Variants in PRMT8 observed in about 807,000 individuals in gnomAD.
PRMT8 encodes the protein protein arginine methyltransferase 8.
In PRMT8, 7 loss-of-function variants were observed where a neutral mutation model predicts 47.1. The ratio of observed to expected loss-of-function variants is 0.15; its 90% confidence interval spans 0.08 to 0.28. PRMT8 has a LOEUF of 0.28. Ranked by LOEUF, PRMT8 falls within the 10% of genes least tolerant of loss-of-function variation. PRMT8 has a pLI of 1.00. For synonymous variants in PRMT8, 188 were observed against 186.5 expected, an observed-to-expected ratio of 1.01 and a Z score of -0.07; for missense variants, 237 against 505.4, an observed-to-expected ratio of 0.47 and a Z score of 5.09.
chr12:3,457,842 CTTTTTTT>C (rs762181050), intron 1 of PRMT8, among the ~76,000 whole-genome samples: 1 of 81,100 alleles, frequency 1.2e-5, no homozygotes, highest in African/African-American at 5.5e-5. Flanking sequence ...TTCCAGTTTG[CTTTTTTT>C]TTTTTTTTTT....
At chr12:3,411,259 T>A (rs1363109882) in intron 1 of PRMT8, among the ~76,000 whole-genome samples, 1 of 152,230 alleles carries the variant, frequency 6.6e-6, no homozygotes, top group East Asian at 1.9e-4. Context: ...CTCTTCTTGC[T>A]TATAGAGTCT....
At chr12:3,418,746 A>AGACC (rs1864508806) in intron 1 of PRMT8, among the ~76,000 whole-genome samples, 1 of 149,052 alleles carries the variant, frequency 6.7e-6, no homozygotes, top group African/African-American at 2.4e-5. Flanking sequence ...TGGCTGGAGC[A>AGACC]GACCCAGGAA....
Position 3,460,439 on chromosome 12 carries a change from T to A in PRMT8, c.48+78997T>A, listed in dbSNP as rs74057439. Among the ~76,000 whole-genome samples the A allele has an allele frequency of 5.7e-3, 868 of 152,358 alleles. 7 individuals carry two copies. The highest frequency in any genetic ancestry group is 0.02 in the African/African-American group (812 of 41,570). ...CAGCTGGGCAGACTGCAGTGGTTAC[T>A]TGTAGACTTGTAAACAACTTCTGGG... On this transcript the variant is annotated intron_variant, in intron 1 of 9. Coordinates refer to the PRMT8 transcript ENST00000452611.
At chr12:3,510,586 A>C (rs1865696229) in intron 1 of PRMT8, among the ~76,000 whole-genome samples, 1 of 152,160 alleles carries the variant, frequency 6.6e-6, no homozygotes, top group Non-Finnish European at 1.5e-5. Context: ...AGATCAAAAT[A>C]AGTTGCTCCC....
rs1555097876 is a variant in PRMT8 at position 3,580,337 on chromosome 12, C to CGTGCGTGT, written c.829-2718_829-2717insCGTGTGTG. On this transcript the variant is annotated intron_variant, in intron 7 of 9. Coordinates refer to ENST00000382622, the MANE Select transcript of PRMT8 (RefSeq NM_019854.5). This position sits in a 1 kb window ranked among gnomAD's most constrained non-coding sequence, Gnocchi z 4.6. Reference sequence around the variant, plus strand: ...TCCTGCCAGATGGGGGGTGCGTGTGCGTGTGTGTGTGTGTGTGTGTGTGTG... The same window carrying CGTGCGTGT: ...TCCTGCCAGATGGGGGGTGCGTGTGCGTGCGTGTGTGTGTGTGTGTGTGTGTGTGTGTG... 6.9e-6 allele frequency among the ~76,000 whole-genome samples: 1 copy of CGTGCGTGT among 145,538 alleles called. No individual in the cohort carries two copies. Among genetic ancestry groups the CGTGCGTGT allele is most frequent in the Non-Finnish European group, 1.5e-5 (1 of 65,892 alleles).
At chr12:3,408,121 T>C (rs1864390614) in intron 1 of PRMT8, among the ~76,000 whole-genome samples, 1 of 151,996 alleles carries the variant, frequency 6.6e-6, no homozygotes, top group African/African-American at 2.4e-5. Flanking sequence ...TTAATATTTC[T>C]ACTTCCTTTT....
intron 1 of PRMT8, among the ~76,000 whole-genome samples, chr12:3,449,538 T>C (rs1246903289): frequency 6.6e-6 from 1 of 152,242 alleles, no homozygotes; most frequent in Non-Finnish European, 1.5e-5. Flanking sequence ...ATGTCTTCTT[T>C]TGAGAAATGT....
chr12:3,556,105 G>T (rs1866524162), intron 4 of PRMT8, among the ~76,000 whole-genome samples: 1 of 152,138 alleles, frequency 6.6e-6, no homozygotes, highest in African/African-American at 2.4e-5. Context: ...GCATGTGTTA[G>T]GTTTGAGATG....
At chr12:3,553,956 C>A (rs1030741292) in intron 4 of PRMT8, among the ~76,000 whole-genome samples, 7 of 152,196 alleles carry the variant, frequency 4.6e-5, no homozygotes, top group African/African-American at 1.7e-4. Context: ...GTAGCTAAAT[C>A]CCGAGTTGCC....
At chr12:3,578,161 G>A (rs1394822280) in intron 7 of PRMT8, among the ~76,000 whole-genome samples, 11 of 152,088 alleles carry the variant, frequency 7.2e-5, no homozygotes, top group Admixed American at 7.2e-4. Flanking sequence ...CACCCAGACT[G>A]GAGTGCAGTG....
At chr12:3,545,959 C>T (rs1045188861) in intron 2 of PRMT8, among the ~76,000 whole-genome samples, 4 of 152,214 alleles carry the variant, frequency 2.6e-5, no homozygotes, top group African/African-American at 9.6e-5. Context: ...AGATCCTCTG[C>T]TGGGTCACAA....
intron 1 of PRMT8, among the ~76,000 whole-genome samples, chr12:3,482,834 C>T (rs1399993576): frequency 6.6e-6 from 1 of 152,176 alleles, no homozygotes; most frequent in East Asian, 1.9e-4. Flanking sequence ...CAATTTACAG[C>T]AGCCCATAAT....
chr12:3,593,151 C>T lies in PRMT8; in HGVS notation c.1154C>T (p.Thr385Ile), dbSNP rs749854432. ...DLDFKGQLCE[T>I]SVSNDYKMR is the part of the protein sequence containing the mutation. ...GATTTTAAGGGACAGCTGTGTGAAA[C>T]ATCTGTATCTAATGACTACAAAATG... The change falls in exon 10 of 10, where the codon ACA becomes ATA. Residue 385 changes from threonine (T) to isoleucine (I), a missense_variant. Around this residue, in one of 5 missense-constraint regions of PRMT8, gnomAD observed 151 missense variants for 341.1 expected, o/e 0.44. Transcript: ENST00000382622. The surrounding 1 kb of genome is among the most constrained non-coding windows in gnomAD (Gnocchi z 4.8). 6.2e-7 allele frequency: 1 copy of T among 1,614,118 alleles called. No homozygotes were observed. Among genetic ancestry groups the T allele is most frequent in the Admixed American group, 1.7e-5 (1 of 60,008 alleles).
At chr12:3,398,813 C>T (rs892540014) in intron 1 of PRMT8, among the ~76,000 whole-genome samples, 1 of 152,196 alleles carries the variant, frequency 6.6e-6, no homozygotes, top group African/African-American at 2.4e-5. Context: ...AGGAGGCTCA[C>T]CAGGCAGGGG....
intron 1 of PRMT8, among the ~76,000 whole-genome samples, chr12:3,398,482 A>C (rs1009221145): frequency 6.6e-6 from 1 of 152,222 alleles, no homozygotes; most frequent in Non-Finnish European, 1.5e-5. Flanking sequence ...AGTTGATCTC[A>C]TACTTCACAG....
In PRMT8 at chr12:3,513,322, A is replaced by T. The variant is rs569619054; in HGVS notation, c.75+21622A>T. On this transcript the variant is annotated intron_variant, in intron 1 of 9. Transcript: ENST00000382622. Reference sequence around the variant, plus strand: ...GGGGATTCTGGAAGCCTCTTTGCAGACCCCTGACACCTAAACTAAATATAC... The same window carrying T: ...GGGGATTCTGGAAGCCTCTTTGCAGTCCCCTGACACCTAAACTAAATATAC... 2.6e-5 allele frequency among the ~76,000 whole-genome samples: 4 copies of T among 152,210 alleles called. No homozygotes were observed. The East Asian group carries it at 7.7e-4, about 29-fold the overall frequency.
intron 1 of PRMT8, among the ~76,000 whole-genome samples, chr12:3,519,315 G>A (rs946146524): frequency 1.3e-5 from 2 of 152,170 alleles, no homozygotes; most frequent in African/African-American, 4.8e-5. Flanking sequence ...GATGAGACTG[G>A]GGAGAAAAAT....
chr12:3,432,150 G>GGGTGT (rs1864687728), intron 1 of PRMT8, among the ~76,000 whole-genome samples: 1 of 152,188 alleles, frequency 6.6e-6, no homozygotes, highest in Non-Finnish European at 1.5e-5. Flanking sequence ...GAGGGGGTTT[G>GGGTGT]GGCAGAGGCC....
intron 1 of PRMT8, among the ~76,000 whole-genome samples, chr12:3,433,880 A>G (rs1482936402): frequency 6.6e-6 from 1 of 152,232 alleles, no homozygotes; most frequent in African/African-American, 2.4e-5. Flanking sequence ...CTGGGATTAC[A>G]GGCGTGAGCC....
Sources: allele counts gnomAD v4.1 joint callset (sites outside exome capture counted in the v4.1 genomes callset), GRCh38; gene constraint gnomAD v4.1.1; regional missense constraint gnomAD v4.1.1; non-coding constraint Gnocchi (gnomAD v3.1); transcripts MANE v1.5; gene names NCBI Gene and HGNC (gene_info 2026-07-23, HGNC 2026-07-21).